Variants in GRM8 observed in about 807,000 individuals in gnomAD.
The protein encoded by GRM8 is metabotropic glutamate receptor 8.
A neutral mutation model predicts 87.2 loss-of-function variants in GRM8; 47 were observed. The observed-to-expected ratio is 0.54, with a 90% CI of 0.43 to 0.69. The LOEUF is 0.69. GRM8 is among the 30% of genes least tolerant of loss of function. The pLI is 0.00. For missense variants in GRM8, 1,019 were observed against 1,139.2 expected, an observed-to-expected ratio of 0.89 and a Z score of 1.52; for synonymous variants, 396 against 404.5, an observed-to-expected ratio of 0.98 and a Z score of 0.25.
chr7:126,643,064 G>A (rs1477294733), intron 7 of GRM8, among the ~76,000 whole-genome samples: 10 of 151,752 alleles, frequency 6.6e-5, no homozygotes, highest in African/African-American at 1.9e-4. Context: ...GGTGAGGAGG[G>A]TGGATTGTTT....
At chr7:126,988,224 C>T (rs535922436) in intron 3 of GRM8, among the ~76,000 whole-genome samples, 2 of 152,294 alleles carry the variant, frequency 1.3e-5, no homozygotes, top group African/African-American at 2.4e-5. Flanking sequence ...TGCGAAATGA[C>T]GTGCGTCATT....
At chr7:126,663,565 G>GA (rs1212335588) in intron 7 of GRM8, among the ~76,000 whole-genome samples, 6 of 152,110 alleles carry the variant, frequency 3.9e-5, no homozygotes, top group Admixed American at 6.5e-5. Flanking sequence ...AATAGATGCA[G>GA]AAAAAGCTTT....
intron 7 of GRM8, among the ~76,000 whole-genome samples, chr7:126,723,249 C>T (rs1391053266): frequency 1.3e-5 from 2 of 151,888 alleles, no homozygotes; most frequent in Non-Finnish European, 2.9e-5. Flanking sequence ...GAAATATCTT[C>T]TTCACAATTA....
At chr7:126,837,462 T>C (rs1050340409) in intron 6 of GRM8, among the ~76,000 whole-genome samples, 2 of 152,252 alleles carry the variant, frequency 1.3e-5, no homozygotes, top group African/African-American at 2.4e-5. Flanking sequence ...ACTGTAAATA[T>C]ACTTTAAAAG....
intron 7 of GRM8, among the ~76,000 whole-genome samples, chr7:126,753,433 CACACACATATAT>C (rs1816658967): frequency 6.6e-6 from 1 of 151,528 alleles, no homozygotes; most frequent in Admixed American, 6.6e-5. Context: ...CGTATATATA[CACACACATATAT>C]ACACACATAT....
At chr7:126,452,684 C>A (rs1436292200) in intron 9 of GRM8, among the ~76,000 whole-genome samples, 5 of 151,584 alleles carry the variant, frequency 3.3e-5, no homozygotes, top group Admixed American at 6.6e-5. Flanking sequence ...AACATAATGC[C>A]CTTTTAAACA....
chr7:127,000,901 C>T (rs17862256), intron 3 of GRM8, among the ~76,000 whole-genome samples: 48,639 of 151,342 alleles, frequency 0.32, 8,182 homozygotes, highest in African/African-American at 0.4. Context: ...CAAAACAAAA[C>T]CCTAGGAGAC....
At chr7:126,806,985 G>A (rs1162731771) in intron 6 of GRM8, among the ~76,000 whole-genome samples, 2 of 152,200 alleles carry the variant, frequency 1.3e-5, no homozygotes, top group African/African-American at 4.8e-5. Context: ...CTCGAGCGCG[G>A]CCAGAGCGGA....
intron 2 of GRM8, among the ~76,000 whole-genome samples, chr7:127,226,808 A>C (rs2116769697): frequency 6.6e-6 from 1 of 152,350 alleles, no homozygotes; most frequent in East Asian, 1.9e-4. Context: ...TTTTGCAGTA[A>C]AAAATAATAT....
At chr7:126,662,579 T>C (rs1805310235) in intron 7 of GRM8, among the ~76,000 whole-genome samples, 1 of 152,082 alleles carries the variant, frequency 6.6e-6, no homozygotes, top group Admixed American at 6.6e-5. Flanking sequence ...TCAATAGGAA[T>C]CTCTGATGAC....
At chr7:126,536,852 C>CA (rs1815806165) in intron 8 of GRM8, among the ~76,000 whole-genome samples, 2 of 151,690 alleles carry the variant, frequency 1.3e-5, no homozygotes, top group Non-Finnish European at 2.9e-5. Flanking sequence ...CAAAACAAAA[C>CA]AAAAAATGAA....
At chr7:126,620,604 A>T (rs1176766072) in intron 7 of GRM8, among the ~76,000 whole-genome samples, 1 of 151,990 alleles carries the variant, frequency 6.6e-6, no homozygotes, top group African/African-American at 2.4e-5. Context: ...TGGCTCTACC[A>T]ATTATCCGTG....
At chr7:126,456,873 G>T (rs974590991) in intron 9 of GRM8, among the ~76,000 whole-genome samples, 7 of 151,332 alleles carry the variant, frequency 4.6e-5, no homozygotes, top group African/African-American at 1.5e-4. Context: ...TTCAATAAAA[G>T]ATTACCAGCC....
At chr7:126,823,625 T>A (rs73228917) in intron 6 of GRM8, among the ~76,000 whole-genome samples, 1,771 of 152,370 alleles carry the variant, frequency 0.012, 21 homozygotes, top group Middle Eastern at 0.031. Flanking sequence ...AGCCAATACA[T>A]CCAAAATATT....
chr7:126,744,539 A>T, intron 7 of GRM8, among the ~76,000 whole-genome samples: 1 of 152,036 alleles, frequency 6.6e-6, no homozygotes, highest in Non-Finnish European at 1.5e-5. Context: ...GAGATACATA[A>T]CTCAGTGAAC....
intron 3 of GRM8, among the ~76,000 whole-genome samples, chr7:126,978,401 T>C (rs1276202068): frequency 2.6e-5 from 4 of 152,150 alleles, no homozygotes; most frequent in Non-Finnish European, 5.9e-5. Context: ...CAAGAATTCC[T>C]CGAAGTACTT....
chr7:126,897,582 G>A (rs1406077464), intron 6 of GRM8, among the ~76,000 whole-genome samples: 2 of 151,612 alleles, frequency 1.3e-5, no homozygotes, highest in Non-Finnish European at 2.9e-5. Context: ...AGGGAGGAAG[G>A]AAGGGAGGGA....
intron 3 of GRM8, among the ~76,000 whole-genome samples, chr7:126,987,695 C>T (rs1812246341): frequency 6.6e-6 from 1 of 152,062 alleles, no homozygotes. Flanking sequence ...GATCTCCTGA[C>T]CTCGTGATTC....
chr7:126,900,453 C>T (rs1801956676), intron 6 of GRM8, among the ~76,000 whole-genome samples: 1 of 151,808 alleles, frequency 6.6e-6, no homozygotes, highest in Admixed American at 6.6e-5. Flanking sequence ...ACACTACGTA[C>T]CAAAGCGTCT....
Sources: allele counts gnomAD v4.1 joint callset (sites outside exome capture counted in the v4.1 genomes callset), GRCh38; gene constraint gnomAD v4.1.1; transcripts MANE v1.5; gene names NCBI Gene and HGNC (gene_info 2026-07-23, HGNC 2026-07-21).